DNAH5: variants seen among roughly 807,000 people sequenced by gnomAD.
DNAH5 encodes the protein axonemal beta dynein heavy chain 5.
DNAH5 carries 372 observed loss-of-function variants against 518.2 expected under a neutral mutation model. The observed-to-expected ratio is 0.72, with a 90% CI of 0.66 to 0.78. The LOEUF (loss-of-function observed/expected upper bound fraction) is 0.78. Ranked by LOEUF, DNAH5 falls within the 30% of genes least tolerant of loss-of-function variation. The pLI is 0.00. For synonymous variants in DNAH5, 2,039 were observed against 2,025.9 expected (o/e 1.01, Z -0.17); for missense variants, 5,523 against 5,687.0 (o/e 0.97, Z 0.93).
chr5:13,978,636 ATACT>A (rs1342306390), intron 1 of DNAH5, among the ~76,000 whole-genome samples: 1 of 152,214 alleles, frequency 6.6e-6, no homozygotes, highest in Non-Finnish European at 1.5e-5. Flanking sequence ...AGATACACAA[ATACT>A]TACCATCGTG....
In DNAH5 at chr5:13,890,898, A is replaced by G. The variant is rs376543365; in HGVS notation, c.2577+78T>C. 6 of 1,544,986 alleles carry G rather than the reference A, an allele frequency of 3.9e-6. No homozygotes were observed. In the African/African-American group the frequency reaches 5.5e-5, roughly 14 times the overall value. On this transcript the variant is annotated intron_variant, in intron 17 of 78. Coordinates refer to ENST00000265104, the MANE Select transcript of DNAH5 (RefSeq NM_001369.3). ...GCAAGTAGAGAAAAAAATCTAACTTATAACTTCAAAAAAGTGACCTTTATA... is the reference window on the plus strand; with the variant it reads ...GCAAGTAGAGAAAAAAATCTAACTTGTAACTTCAAAAAAGTGACCTTTATA...
Position 13,719,145 on chromosome 5 carries a change from C to T in DNAH5, c.12280-44G>A, listed in dbSNP as rs368792242. 165 of 1,439,974 alleles carry T rather than the reference C, an allele frequency of 1.1e-4. No individual in the cohort carries two copies. The African/African-American group carries it at 1.9e-3, about 17-fold the overall frequency. The allele number at this position is 1,439,974 out of a possible 1,614,324, so 89.2% of individuals were successfully genotyped here. ...GGAAATTAGGTAGTTTTGTATTTCA[C>T]CCAAATTCTAAATTATTACATTCTT... On this transcript the variant is annotated intron_variant, in intron 71 of 78. Coordinates refer to ENST00000265104, the MANE Select transcript of DNAH5 (RefSeq NM_001369.3).
intron 65 of DNAH5, among the ~76,000 whole-genome samples, chr5:13,740,929 G>A (rs1259204135): frequency 6.6e-6 from 1 of 152,138 alleles, no homozygotes; most frequent in Admixed American, 6.5e-5. Flanking sequence ...ATGCTCCAGG[G>A]ATAGTTTGGT....
intron 1 of DNAH5, among the ~76,000 whole-genome samples, chr5:13,966,802 G>C (rs1781557717): frequency 6.6e-6 from 1 of 152,114 alleles, no homozygotes; most frequent in Admixed American, 6.6e-5. Flanking sequence ...TTCTCCCACT[G>C]TCTGTTTACT....
chr5:13,943,417 A>G (rs1360665959), intron 1 of DNAH5, among the ~76,000 whole-genome samples: 1 of 152,190 alleles, frequency 6.6e-6, no homozygotes, highest in East Asian at 1.9e-4. Context: ...CAGGAAGGAA[A>G]CTCACACCTC....
chr5:13,745,744 T>C (rs1005441846), intron 65 of DNAH5, among the ~76,000 whole-genome samples: 1 of 152,074 alleles, frequency 6.6e-6, no homozygotes, highest in Non-Finnish European at 1.5e-5. Flanking sequence ...ATTCCTTAGA[T>C]GGTTTCCAAC....
chr5:14,002,658 T>TA (rs1449115440), intron 1 of DNAH5, among the ~76,000 whole-genome samples: 3 of 151,982 alleles, frequency 2.0e-5, no homozygotes, highest in Non-Finnish European at 4.4e-5. Context: ...CACAGTAGCT[T>TA]AAAAAAACTA....
Position 13,708,115 on chromosome 5 carries a change from A to T in DNAH5, c.13338+8T>A. ...GAACAGGCAGAATAACAGCAGGCTT[A>T]TACGTACTTTTTTCCACCAAGCAGG... On this transcript the variant is annotated splice_region_variant and intron_variant, in intron 76 of 78. Transcript: ENST00000265104. The T allele has an allele frequency of 6.2e-7, 1 of 1,613,826 alleles. No homozygotes were observed. Among genetic ancestry groups the T allele is most frequent in the African/African-American group, 1.3e-5 (1 of 75,052 alleles).
chr5:13,889,372 C>T (rs2151946680), intron 17 of DNAH5, among the ~76,000 whole-genome samples: 1 of 152,264 alleles, frequency 6.6e-6, no homozygotes, highest in Middle Eastern at 3.4e-3. Context: ...CTAGAAATTT[C>T]TAACATGTAG....
Position 13,864,613 on chromosome 5 carries a change from C to T in DNAH5, c.4380G>A (p.Leu1460=), listed in dbSNP as rs267600368. Residue 1460 remains leucine (L), a synonymous_variant, in exon 28 of 79, where the codon TTG becomes TTA. Coordinates refer to ENST00000265104, the MANE Select transcript of DNAH5 (RefSeq NM_001369.3). ...GGTCCAAAAAAGCCTGCCAGTCCTT[C>T]AAGGCCCGGGGAAGCTTTCGACATC... ...QNRCRKLPRA[L]KDWQAFLDLK... is the part of the protein sequence containing the mutation. The T allele has an allele frequency of 6.2e-7, 1 of 1,614,134 alleles. No individual in the cohort carries two copies. The highest frequency in any genetic ancestry group is 2.2e-5 in the East Asian group (1 of 44,880).
chr5:13,953,067 T>C (rs988464044), intron 1 of DNAH5, among the ~76,000 whole-genome samples: 3 of 152,212 alleles, frequency 2.0e-5, no homozygotes, highest in Non-Finnish European at 4.4e-5. Context: ...AAAATATTAT[T>C]TTAGAGACCA....
intron 47 of DNAH5, among the ~76,000 whole-genome samples, chr5:13,802,439 AAAT>A (rs1308210342): frequency 1.3e-5 from 2 of 152,218 alleles, no homozygotes; most frequent in African/African-American, 4.8e-5. Context: ...AAATTAATAT[AAAT>A]AATAAACTCC....
In DNAH5 at chr5:13,885,985, T is replaced by C. The variant is rs139235944; in HGVS notation, c.2722A>G (p.Asn908Asp). The change falls in exon 18 of 79, where the codon AAT (asparagine) becomes GAT (aspartate). Residue 908 changes from asparagine (N) to aspartate (D), a missense_variant. This residue lies in a region of DNAH5 where 5,121 missense variants were observed against 5,223.3 expected (regional missense o/e 0.98). Transcript: ENST00000265104. ...SEKISNENSV[N>D]YKNESSAKRE... is the part of the protein sequence containing the mutation. Reference sequence around the variant, plus strand: ...TTACCTGAACTTTCATTTTTGTAATTAACACTATTCTCATTGGATATTTTT... The same window carrying C: ...TTACCTGAACTTTCATTTTTGTAATCAACACTATTCTCATTGGATATTTTT... 6.2e-7 allele frequency: 1 copy of C among 1,613,010 alleles called. No individual in the cohort carries two copies. The highest frequency in any genetic ancestry group is 8.5e-7 in the Non-Finnish European group (1 of 1,179,796).
intron 47 of DNAH5, among the ~76,000 whole-genome samples, chr5:13,798,695 T>G (rs1390255887): frequency 6.6e-6 from 1 of 151,886 alleles, no homozygotes; most frequent in Non-Finnish European, 1.5e-5. Flanking sequence ...CTTGAGAATC[T>G]TCACAGTAAT....
At chr5:13,712,628 AAAAC>A (rs1743642912) in intron 75 of DNAH5, among the ~76,000 whole-genome samples, 1 of 152,346 alleles carries the variant, frequency 6.6e-6, no homozygotes, top group Admixed American at 6.5e-5. Flanking sequence ...CAGTAAGAAA[AAAAC>A]AAACAATCCC....
chr5:13,876,933 TA>T (rs1243832426), intron 21 of DNAH5, 116 bp from the exon 22 acceptor site: 2 of 1,051,176 alleles, frequency 1.9e-6, no homozygotes, highest in Non-Finnish European at 2.8e-6. Flanking sequence ...TTCTCCTTTA[TA>T]AAAACAATGA....
At position 13,977,655 on chromosome 5, in the gene DNAH5, C is replaced by T. The variant is rs867494236; in HGVS notation, c.12+33993G>A. ...GCCAGACTAGCAACTCCAATTTCTC[C>T]GTCGAAGGCGGAGGAAATTTTCCAA... On this transcript the variant is annotated intron_variant, in intron 1 of 78. Transcript: ENST00000681290. 3.9e-5 allele frequency among the ~76,000 whole-genome samples: 6 copies of T among 152,122 alleles called. No individual in the cohort carries two copies. The East Asian group carries it at 5.8e-4, about 15-fold the overall frequency.
intron 1 of DNAH5, among the ~76,000 whole-genome samples, chr5:13,937,062 C>T (rs1486338493): frequency 6.6e-6 from 1 of 151,860 alleles, no homozygotes; most frequent in Non-Finnish European, 1.5e-5. Flanking sequence ...TATCTCCACA[C>T]CAGGAAATCA....
At chr5:13,899,712 G>A (rs1415777833) in intron 15 of DNAH5, 1 of 162,290 alleles carries the variant, frequency 6.2e-6, no homozygotes, top group African/African-American at 2.4e-5. Context: ...TTTAATTCAT[G>A]GAACTGCTCA....
Sources: gnomAD v4.1 joint callset for allele counts (sites outside exome capture counted in the v4.1 genomes callset) on GRCh38, gnomAD v4.1.1 for gene constraint, gnomAD v4.1.1 regional missense constraint, MANE v1.5 for transcripts, NCBI Gene and HGNC (gene_info 2026-07-23, HGNC 2026-07-21) for gene names.